RWDD4: variants seen among roughly 807,000 people sequenced by gnomAD.
RWDD4 encodes RWD domain containing 4.
In RWDD4, 16 loss-of-function variants were observed where a neutral mutation model predicts 30.0. That is an observed-to-expected ratio of 0.53 (90% CI 0.36 to 0.81). The LOEUF is 0.81. Ranked by LOEUF, RWDD4 falls within the 30% of genes least tolerant of loss-of-function variation. The pLI is 0.00. For missense variants in RWDD4, 170 were observed against 223.9 expected, an observed-to-expected ratio of 0.76 and a Z score of 1.54; for synonymous variants, 45 against 72.1, an observed-to-expected ratio of 0.62 and a Z score of 1.90.
intron 2 of RWDD4, among the ~76,000 whole-genome samples, chr4:183,655,407 G>T (rs572296385): frequency 1.3e-5 from 2 of 150,876 alleles, no homozygotes; most frequent in South Asian, 2.1e-4. Flanking sequence ...TCAGCCTCCC[G>T]AGTAGCTGGG....
Position 183,651,108 on chromosome 4 carries a change from A to G in RWDD4, c.239T>C (p.Ile80Thr). 3 of 1,614,154 alleles carry G rather than the reference A, an allele frequency of 1.9e-6. No homozygotes were observed. Among genetic ancestry groups the G allele is most frequent in the Non-Finnish European group, 2.5e-6 (3 of 1,180,002 alleles). The change falls in exon 4 of 8, where the codon ATA becomes ACA. Residue 80 changes from isoleucine (I) to threonine (T), a missense_variant. Physicochemically the swap from Ile to Thr is moderately conservative, Grantham distance 89. Coordinates refer to ENST00000326397, the MANE Select transcript of RWDD4 (RefSeq NM_152682.4). Reference protein sequence around the residue: ...NTISSAVKQSILAKLQEAVEA... With the variant: ...NTISSAVKQSTLAKLQEAVEA... ...TACTGCTTCCTGTAGCTTGGCTAAT[A>G]TACTCTGCTTTACAGCTGATGATCT...
chr4:183,657,951 T>G (rs559203391), intron 1 of RWDD4, among the ~76,000 whole-genome samples: 2 of 152,334 alleles, frequency 1.3e-5, no homozygotes, highest in South Asian at 4.1e-4. Flanking sequence ...TCTAAATGGT[T>G]CTAAGGTAGG....
intron 7 of RWDD4, among the ~76,000 whole-genome samples, chr4:183,644,262 T>G (rs570008272): frequency 6.6e-6 from 1 of 152,142 alleles, no homozygotes; most frequent in African/African-American, 2.4e-5. Flanking sequence ...CAAGCATCAG[T>G]GGAGAAAGTC....
rs757135716 is a variant in RWDD4 at position 183,649,473 on chromosome 4, C to T, written c.459G>A (p.Lys153=). 4 of 1,610,334 alleles carry T rather than the reference C, an allele frequency of 2.5e-6. No individual in the cohort carries two copies. The highest frequency in any genetic ancestry group is 3.4e-6 in the Non-Finnish European group (4 of 1,177,474). The change falls in exon 5 of 8, where the codon AAG becomes AAA. Residue 153 remains lysine, a synonymous_variant. Coordinates refer to ENST00000326397, the MANE Select transcript of RWDD4 (RefSeq NM_152682.4). ...AACCTGTTTTGTCTGCCAGCTTACG[C>T]TTCTGGGCTTTTGAAAGTTGTTCTT... ...DKKEQLSKAQ[K]RKLADKTDHK...
At chr4:183,653,854 A>G (rs1734131493) in intron 2 of RWDD4, among the ~76,000 whole-genome samples, 1 of 152,262 alleles carries the variant, frequency 6.6e-6, no homozygotes, top group African/African-American at 2.4e-5. Context: ...AGATAGAGAC[A>G]AGGCTATTCC....
At chr4:183,649,662 C>T (rs1734037001) in intron 4 of RWDD4, 94 bp from the exon 5 acceptor site, 3 of 614,332 alleles carry the variant, frequency 4.9e-6, no homozygotes, top group Non-Finnish European at 8.5e-6. Flanking sequence ...ATAATTTTTA[C>T]ACTTATGAAA....
At chr4:183,654,381 C>T (rs538318282) in intron 2 of RWDD4, among the ~76,000 whole-genome samples, 62 of 152,160 alleles carry the variant, frequency 4.1e-4, no homozygotes, top group African/African-American at 1.4e-3. Flanking sequence ...AGTATTAAAC[C>T]GGGGAAGTCA....
intron 1 of RWDD4, among the ~76,000 whole-genome samples, chr4:183,656,692 G>A (rs1326943521): frequency 6.6e-6 from 1 of 152,308 alleles, no homozygotes; most frequent in East Asian, 1.9e-4. Flanking sequence ...ACAAACTAAA[G>A]ATGGTGAAAG....
chr4:183,648,380 C>T (rs1369633044), intron 5 of RWDD4, among the ~76,000 whole-genome samples: 2 of 152,074 alleles, frequency 1.3e-5, no homozygotes, highest in East Asian at 1.9e-4. Flanking sequence ...ACACAAATGA[C>T]GTCCTCATTT....
In RWDD4 at chr4:183,646,502, C is replaced by A. The variant is rs1733968273; in HGVS notation, c.517G>T (p.Val173Phe). The change falls in exon 6 of 8, where the codon GTT becomes TTT. Residue 173 changes from valine to phenylalanine, a missense_variant. Val to Phe is a conservative substitution (Grantham distance 50). Coordinates refer to ENST00000326397, the MANE Select transcript of RWDD4 (RefSeq NM_152682.4). ...ATGTTATATACCTTCACAACATCAACCCAGTTCCAGCCTCGAGGAAGTTCT... is the reference window on the plus strand; with the variant it reads ...ATGTTATATACCTTCACAACATCAAACCAGTTCCAGCCTCGAGGAAGTTCT... ...KGELPRGWNW[V>F]DVVKHLSKTG... 3 of 1,612,420 alleles carry A rather than the reference C, an allele frequency of 1.9e-6. No individual in the cohort carries two copies.
chr4:183,642,282 C>T lies in RWDD4; in HGVS notation c.535-814G>A, dbSNP rs1473995424. 1.3e-4 allele frequency among the ~76,000 whole-genome samples: 13 copies of T among 98,120 alleles called. 2 individuals are homozygous for T. Among genetic ancestry groups the T allele is most frequent in the Admixed American group, 3.5e-4 (4 of 11,502 alleles). The allele number at this position is 98,120 out of a possible 152,430, so 64.4% of individuals were successfully genotyped here. A position where few individuals can be genotyped will look rare whatever the true frequency, so the allele number is the denominator to read the frequency against. Reference sequence around the variant, plus strand: ...TCGGCTCACTGCAAGCTCCGCCTCCCGGGTTCACGCCATTCTCCTGCCTCA... The same window carrying T: ...TCGGCTCACTGCAAGCTCCGCCTCCTGGGTTCACGCCATTCTCCTGCCTCA... On this transcript the variant is annotated intron_variant, in intron 7 of 7. Transcript: ENST00000326397.
chr4:183,658,491 G>A (rs1734266020), intron 1 of RWDD4, among the ~76,000 whole-genome samples: 1 of 152,194 alleles, frequency 6.6e-6, no homozygotes, highest in African/African-American at 2.4e-5. Context: ...AAACTCAGAT[G>A]CACCACCAGT....
rs11310523 is a variant in RWDD4 at position 183,645,599 on chromosome 4, CAA to C, written c.534+750_534+751del. 3.0e-3 allele frequency among the ~76,000 whole-genome samples: 337 copies of C among 111,456 alleles called. 1 individual carries two copies. Among genetic ancestry groups the C allele is most frequent in the African/African-American group, 8.1e-3 (240 of 29,514 alleles). 73.1% of individuals were successfully genotyped at this position (111,456 alleles called of 152,430 possible). On this transcript the variant is annotated intron_variant, in intron 7 of 7. Transcript: ENST00000326397. ...AGCCTGGGCAACATATCTGTCTCTG[CAA>C]AAAAAAAAAAAAAAAAAATTAGCCA...
At chr4:183,647,902 T>C (rs1304044160) in intron 5 of RWDD4, among the ~76,000 whole-genome samples, 1 of 152,016 alleles carries the variant, frequency 6.6e-6, no homozygotes, top group Non-Finnish European at 1.5e-5. Context: ...AAACAAAACA[T>C]AAACCACAAA....
intron 2 of RWDD4, among the ~76,000 whole-genome samples, chr4:183,652,407 CTGGG>C: frequency 6.9e-6 from 1 of 145,576 alleles, no homozygotes; most frequent in Admixed American, 7.0e-5. Flanking sequence ...ATTGCCCAGG[CTGGG>C]GTCCAGCTGA....
chr4:183,655,449 T>C (rs1734170779), intron 2 of RWDD4, among the ~76,000 whole-genome samples: 1 of 151,488 alleles, frequency 6.6e-6, no homozygotes, highest in African/African-American at 2.4e-5. Flanking sequence ...GCCCGGCTAA[T>C]TTTTTGTATT....
In RWDD4 at chr4:183,639,992, C is replaced by A. The variant is rs1733827652; in HGVS notation, c.*1444G>T. ...AAAACAAAAAACAAACCAATACAAC[C>A]ACAAATACTACCCACACACAACCCT... On this transcript the variant is annotated 3_prime_UTR_variant, in exon 8 of 8. Transcript: ENST00000326397. 6.6e-6 allele frequency: 1 copy of A among 152,098 alleles called. No individual in the cohort carries two copies. The highest frequency in any genetic ancestry group is 2.4e-5 in the African/African-American group (1 of 41,394). 9.4% of individuals were successfully genotyped at this position (152,098 alleles called of 1,614,324 possible).
intron 2 of RWDD4, among the ~76,000 whole-genome samples, chr4:183,654,042 A>G (rs957621491): frequency 2.0e-5 from 3 of 152,216 alleles, no homozygotes; most frequent in Admixed American, 6.5e-5. Flanking sequence ...GTTAGGCCTT[A>G]AAGGAGAGGC....
At chr4:183,646,650 T>G in intron 5 of RWDD4, 113 bp from the exon 6 acceptor site, 1 of 856,984 alleles carries the variant, frequency 1.2e-6, no homozygotes, top group Non-Finnish European at 1.8e-6. Context: ...TTAAATGACA[T>G]ATTACTAAGT....
Sources: gnomAD v4.1 joint callset for allele counts (sites outside exome capture counted in the v4.1 genomes callset) on GRCh38, gnomAD v4.1.1 for gene constraint, MANE v1.5 for transcripts, NCBI Gene and HGNC (gene_info 2026-07-23, HGNC 2026-07-21) for gene names.